Variants in KDM7A observed in about 807,000 individuals in gnomAD.
KDM7A encodes the protein lysine demethylase 7A.
A neutral mutation model predicts 114.8 loss-of-function variants in KDM7A; 28 were observed. The ratio of observed to expected loss-of-function variants is 0.24; its 90% CI spans 0.18 to 0.33. The LOEUF is 0.33. Ranked by LOEUF, KDM7A falls within the 10% of genes least tolerant of loss-of-function variation. The pLI is 1.00. For missense variants in KDM7A, 942 were observed against 1,142.5 expected (o/e 0.82, Z 2.53); for synonymous variants, 423 against 397.8 (o/e 1.06, Z -0.75).
At chr7:140,159,415 A>G (rs1794493591) in intron 1 of KDM7A, among the ~76,000 whole-genome samples, 1 of 152,228 alleles carries the variant, frequency 6.6e-6, no homozygotes, top group Admixed American at 6.5e-5. Flanking sequence ...CTAACAAAAA[A>G]AAATGGTGAG....
At chr7:140,173,518 T>C (rs77698067) in intron 1 of KDM7A, among the ~76,000 whole-genome samples, 5 of 152,262 alleles carry the variant, frequency 3.3e-5, no homozygotes, top group East Asian at 1.9e-4. Flanking sequence ...CTAAAATTTA[T>C]ATATATCAAA....
chr7:140,162,144 T>C (rs1562960749), intron 1 of KDM7A, among the ~76,000 whole-genome samples: 1 of 152,120 alleles, frequency 6.6e-6, no homozygotes, highest in African/African-American at 2.4e-5. Context: ...GCGACCAGCC[T>C]GACCAACGTG....
chr7:140,166,306 T>C (rs1402278271), intron 1 of KDM7A, among the ~76,000 whole-genome samples: 2 of 151,402 alleles, frequency 1.3e-5, no homozygotes, highest in Non-Finnish European at 1.5e-5. Context: ...TAAAACTACG[T>C]ACATAAAATT....
chr7:140,139,805 T>TAG (rs1413292894), intron 1 of KDM7A, among the ~76,000 whole-genome samples: 2 of 152,158 alleles, frequency 1.3e-5, no homozygotes, highest in Non-Finnish European at 2.9e-5. Flanking sequence ...GGTAAACCTC[T>TAG]AGCAAGGCCA....
chr7:140,095,426 T>A (rs1020651158), intron 17 of KDM7A, among the ~76,000 whole-genome samples: 1 of 152,206 alleles, frequency 6.6e-6, no homozygotes, highest in African/African-American at 2.4e-5. Context: ...TCTTATACAA[T>A]AAGCAAAGAC....
rs1472254349 is a variant in KDM7A, at chr7:140,102,150, C to T, written c.1439G>A (p.Gly480Asp). ...KVIRAIEEEN[G>D]KPVKSQGIPI... ...AATTCCCTGAGATTTAACTGGTTTG[C>T]CGTTTTCCTCCTTTAAGAATTAAAA... Residue 480 changes from glycine to aspartate, a missense_variant, in exon 12 of 20, where the codon GGC becomes GAC. Gly to Asp is a moderately conservative substitution (Grantham distance 94). Around this residue, in one of 4 missense-constraint regions of KDM7A, gnomAD observed 512 missense variants for 576.6 expected, o/e 0.89. Transcript: ENST00000397560. 3 of 1,611,792 alleles carry T rather than the reference C, an allele frequency of 1.9e-6. No individual in the cohort carries two copies. The African/African-American group carries it at 4.0e-5, about 22-fold the overall frequency.
At chr7:140,114,135 G>A (rs2116776755) in intron 9 of KDM7A, among the ~76,000 whole-genome samples, 1 of 152,256 alleles carries the variant, frequency 6.6e-6, no homozygotes, top group Non-Finnish European at 1.5e-5. Context: ...CTTAGAATTT[G>A]TACTCAATAA....
Position 140,133,557 on chromosome 7 carries a change from C to A in KDM7A, c.380G>T (p.Arg127Leu). The A allele has an allele frequency of 6.3e-7, 1 of 1,594,560 alleles. No homozygotes were observed. The highest frequency in any genetic ancestry group is 8.6e-7 in the Non-Finnish European group (1 of 1,162,590). ...AGTRTFIKEL[R>L]SRVFPSADEI... ...TCCATACCTTGGGAAGACTCGAGAGCGTAATTCCTTAATGAAAGTTCTAGT... is the reference window on the plus strand; with the variant it reads ...TCCATACCTTGGGAAGACTCGAGAGAGTAATTCCTTAATGAAAGTTCTAGT... Residue 127 changes from arginine (R) to leucine (L), a missense_variant, in exon 3 of 20, where the codon CGC becomes CTC. Arg to Leu is a moderately radical substitution (Grantham distance 102). Around this residue, in one of 4 missense-constraint regions of KDM7A, gnomAD observed 318 missense variants for 453.1 expected, o/e 0.70. Transcript: ENST00000397560.
intron 11 of KDM7A, among the ~76,000 whole-genome samples, chr7:140,103,785 C>T (rs1055266211): frequency 4.6e-5 from 7 of 152,198 alleles, no homozygotes; most frequent in Non-Finnish European, 8.8e-5. Context: ...GTGCATGTGT[C>T]TTTATAGCAG....
At chr7:140,162,708 G>A (rs1250973669) in intron 1 of KDM7A, among the ~76,000 whole-genome samples, 1 of 152,192 alleles carries the variant, frequency 6.6e-6, no homozygotes, top group Middle Eastern at 3.4e-3. Flanking sequence ...TTTCAAAATG[G>A]ATAATGCTAG....
At position 140,098,989 on chromosome 7, in the gene KDM7A, T is replaced by C. The variant is rs1233519105; in HGVS notation, c.1808A>G (p.Asp603Gly). The change falls in exon 14 of 20, where the codon GAT becomes GGT. Residue 603 changes from aspartate to glycine, a missense_variant. This residue lies in a region of KDM7A where 512 missense variants were observed against 576.6 expected (regional missense o/e 0.89). Coordinates refer to ENST00000397560, the MANE Select transcript of KDM7A (RefSeq NM_030647.2). Reference protein sequence around the residue: ...PFADQSLYTADSENEEDKRRT... With the variant: ...PFADQSLYTAGSENEEDKRRT... ...TCTTTTATCCTCTTCATTTTCACTATCTGCTGTATAAAGACTTTGATCTGC... is the reference window on the plus strand; with the variant it reads ...TCTTTTATCCTCTTCATTTTCACTACCTGCTGTATAAAGACTTTGATCTGC... 38 of 1,613,430 alleles carry C rather than the reference T, an allele frequency of 2.4e-5. No individual in the cohort carries two copies. The highest frequency in any genetic ancestry group is 3.1e-5 in the Non-Finnish European group (37 of 1,179,538).
chr7:140,093,734 T>G (rs1454764185), intron 18 of KDM7A, among the ~76,000 whole-genome samples: 1 of 152,238 alleles, frequency 6.6e-6, no homozygotes, highest in African/African-American at 2.4e-5. Flanking sequence ...CATCAGAGAT[T>G]AAAAAGATAT....
Position 140,104,335 on chromosome 7 carries a change from C to T in KDM7A, c.1429-2175G>A, listed in dbSNP as rs188432648. 6.6e-3 allele frequency among the ~76,000 whole-genome samples: 1,009 copies of T among 152,212 alleles called. 9 individuals are homozygous for T. The highest frequency in any genetic ancestry group is 0.011 in the Non-Finnish European group (772 of 68,018). On this transcript the variant is annotated intron_variant, in intron 11 of 19. Transcript: ENST00000397560. ...ATTAGATCCCATTTGTCAATTTTGGCTTTTCTTACCATTGCTTTTGGTGTT... is the reference window on the plus strand; with the variant it reads ...ATTAGATCCCATTTGTCAATTTTGGTTTTTCTTACCATTGCTTTTGGTGTT...
In KDM7A at chr7:140,092,090, G is replaced by C; in HGVS notation, c.2458-13C>G. The C allele has an allele frequency of 6.2e-7, 1 of 1,613,424 alleles. No individual in the cohort carries two copies. The highest frequency in any genetic ancestry group is 8.5e-7 in the Non-Finnish European group (1 of 1,179,572). ...TTCTACTTAGATCCTGAAGGAGGAG[G>C]AAGGACATGAGGCTGAATTTTTAGG... is the stretch of plus-strand genomic sequence containing the variant. On this transcript the variant is annotated splice_polypyrimidine_tract_variant and intron_variant, in intron 18 of 19. Coordinates refer to ENST00000397560, the MANE Select transcript of KDM7A (RefSeq NM_030647.2).
At chr7:140,110,802 T>G (rs1414283947) in intron 11 of KDM7A, among the ~76,000 whole-genome samples, 1 of 152,228 alleles carries the variant, frequency 6.6e-6, no homozygotes, top group African/African-American at 2.4e-5. Flanking sequence ...TAGCTGAAAT[T>G]AACTGTATCT....
chr7:140,108,002 C>T (rs889235029), intron 11 of KDM7A, among the ~76,000 whole-genome samples: 3 of 152,154 alleles, frequency 2.0e-5, no homozygotes, highest in African/African-American at 7.2e-5. Context: ...AACTTCTCTT[C>T]TTGCTTCATT....
At chr7:140,124,063 C>T (rs1453039264) in intron 7 of KDM7A, among the ~76,000 whole-genome samples, 2 of 126,358 alleles carry the variant, frequency 1.6e-5, no homozygotes, top group African/African-American at 3.1e-5. Context: ...GAGCAAGACT[C>T]TGTCTCAAAA....
chr7:140,100,681 C>CACATATATATATATAT (rs1554395402), intron 12 of KDM7A, among the ~76,000 whole-genome samples: 7 of 44,348 alleles, frequency 1.6e-4, no homozygotes, highest in Admixed American at 5.4e-4. Context: ...TATATATATA[C>CACATATATATATATAT]ATATATACAT....
chr7:140,140,657 C>G (rs1794259038), intron 1 of KDM7A, among the ~76,000 whole-genome samples: 1 of 151,786 alleles, frequency 6.6e-6, no homozygotes, highest in African/African-American at 2.4e-5. Flanking sequence ...GCCTGTAATC[C>G]CAGCCACTTG....
Sources: allele counts gnomAD v4.1 joint callset (sites outside exome capture counted in the v4.1 genomes callset), GRCh38; gene constraint gnomAD v4.1.1; regional missense constraint gnomAD v4.1.1; transcripts MANE v1.5; gene names NCBI Gene and HGNC (gene_info 2026-07-23, HGNC 2026-07-21).